The following SLC38A12 variants were observed in gnomAD, a reference collection of about 807,000 sequenced individuals.
The protein encoded by SLC38A12 is putative sodium-coupled neutral amino acid transporter 12.
the SLC38A12 span, chr17:74,819,689 C>A: frequency 5.3e-6 from 8 of 1,511,918 alleles, no homozygotes; most frequent in South Asian, 9.0e-5. Flanking sequence ...CAGCGTCTTC[C>A]GTGTGCAGAC....
At chr17:74,785,433 G>A in the SLC38A12 span, 2 of 1,593,278 alleles carry the variant, frequency 1.3e-6, no homozygotes, top group Non-Finnish European at 1.7e-6. Flanking sequence ...CTGTTAAGGG[G>A]AGAAGTTGAT....
At chr17:74,803,642 C>A in the SLC38A12 span, among the ~76,000 whole-genome samples, 1 of 152,174 alleles carries the variant, frequency 6.6e-6, no homozygotes, top group African/African-American at 2.4e-5. Context: ...GATAAAAACC[C>A]GGTGTGCCTC....
chr17:74,823,366 G>T, the SLC38A12 span, among the ~76,000 whole-genome samples: 4 of 152,270 alleles, frequency 2.6e-5, no homozygotes, highest in Non-Finnish European at 5.9e-5. Flanking sequence ...GGAGGAGACT[G>T]CAGGCCCTGG....
chr17:74,815,967 C>G, the SLC38A12 span, among the ~76,000 whole-genome samples: 1 of 152,188 alleles, frequency 6.6e-6, no homozygotes, highest in Admixed American at 6.5e-5. Flanking sequence ...CCAGGCACAG[C>G]CCACAACAGG....
At chr17:74,809,775 C>T in the SLC38A12 span, among the ~76,000 whole-genome samples, 1 of 152,192 alleles carries the variant, frequency 6.6e-6, no homozygotes, top group Non-Finnish European at 1.5e-5. Context: ...TCCACCTTTC[C>T]CCTGGTTTCT....
At chr17:74,780,566 G>A in the SLC38A12 span, among the ~76,000 whole-genome samples, 3 of 152,334 alleles carry the variant, frequency 2.0e-5, no homozygotes, top group South Asian at 2.1e-4. Flanking sequence ...AGAAGAGAAC[G>A]TCTCCTTTCT....
the SLC38A12 span, among the ~76,000 whole-genome samples, chr17:74,806,297 C>T: frequency 5.3e-3 from 802 of 152,266 alleles, 7 homozygotes; most frequent in African/African-American, 0.018. Flanking sequence ...AGACATGCCC[C>T]GGCCTTCTCA....
At chr17:74,778,791 C>G in the SLC38A12 span, among the ~76,000 whole-genome samples, 2 of 130,122 alleles carry the variant, frequency 1.5e-5, no homozygotes, top group African/African-American at 6.8e-5. Flanking sequence ...GCCCCACCCT[C>G]CCAAGTAGCT....
At chr17:74,838,951 C>T in the SLC38A12 span, 1 of 1,535,780 alleles carries the variant, frequency 6.5e-7, no homozygotes, top group Admixed American at 2.0e-5. Context: ...GGCCCAGGAG[C>T]AGGTGTCGTT....
At chr17:74,790,107 C>T in the SLC38A12 span, 3 of 1,037,770 alleles carry the variant, frequency 2.9e-6, no homozygotes, top group South Asian at 3.9e-5. Context: ...GCACATGACA[C>T]CACACCTGGC....
the SLC38A12 span, among the ~76,000 whole-genome samples, chr17:74,824,454 G>GCCCC: frequency 1.3e-5 from 2 of 150,524 alleles, no homozygotes; most frequent in African/African-American, 4.8e-5. Flanking sequence ...GGCTGCCCCT[G>GCCCC]CCCCGCCGCA....
At chr17:74,800,636 C>T in the SLC38A12 span, among the ~76,000 whole-genome samples, 3 of 152,370 alleles carry the variant, frequency 2.0e-5, no homozygotes, top group South Asian at 2.1e-4. Context: ...TGAGGAGCAG[C>T]AGTGACTTCA....
the SLC38A12 span, chr17:74,788,856 A>G: frequency 5.6e-6 from 9 of 1,613,384 alleles, no homozygotes; most frequent in Non-Finnish European, 7.6e-6. Context: ...CTGGAAGAGG[A>G]TGGAGAACCT....
the SLC38A12 span, chr17:74,777,369 T>C: frequency 3.7e-6 from 6 of 1,614,214 alleles, no homozygotes; most frequent in Admixed American, 1.7e-5. Flanking sequence ...AACTCTACTC[T>C]TCCTACGTGA....
the SLC38A12 span, chr17:74,839,077 C>G: frequency 2.0e-6 from 3 of 1,535,298 alleles, no homozygotes; most frequent in Non-Finnish European, 2.6e-6. Context: ...GCCTCCCTCC[C>G]CACAGAAGCA....
chr17:74,837,316 G>A, the SLC38A12 span: 7 of 985,522 alleles, frequency 7.1e-6, no homozygotes, highest in Non-Finnish European at 7.2e-6. Context: ...ATAGAGCTGC[G>A]AGGGCCCTCG....
At chr17:74,816,391 G>T in the SLC38A12 span, among the ~76,000 whole-genome samples, 1 of 152,346 alleles carries the variant, frequency 6.6e-6, no homozygotes, top group South Asian at 2.1e-4. Flanking sequence ...GGCAGCGCAT[G>T]TAAGGGACAC....
the SLC38A12 span, among the ~76,000 whole-genome samples, chr17:74,813,748 G>A: frequency 1.1e-4 from 17 of 152,044 alleles, no homozygotes; most frequent in Non-Finnish European, 1.9e-4. Context: ...TGATCTGCCC[G>A]CCTTGGCCTC....
the SLC38A12 span, among the ~76,000 whole-genome samples, chr17:74,822,387 G>C: frequency 4.6e-5 from 7 of 152,236 alleles, no homozygotes; most frequent in Admixed American, 1.3e-4. Flanking sequence ...GAGGCTCCCG[G>C]GGCCCTGCAG....
Sources: gnomAD v4.1 joint callset for allele counts (sites outside exome capture counted in the v4.1 genomes callset) on GRCh38, gnomAD v4.1.1 for gene constraint, MANE v1.5 for transcripts, NCBI Gene and HGNC (gene_info 2026-07-23, HGNC 2026-07-21) for gene names.